DACH1: variants seen among roughly 807,000 people sequenced by gnomAD.
DACH1 encodes dachshund family transcription factor 1.
DACH1 carries 12 observed loss-of-function variants against 54.2 expected under a neutral mutation model. That is an observed-to-expected ratio of 0.22 (90% confidence interval 0.14 to 0.36). The LOEUF (loss-of-function observed/expected upper bound fraction) is 0.36, where lower values mean the gene tolerates loss of function less well. Among genes scored for constraint, DACH1 ranks in the 10% least tolerant of loss-of-function variants. The pLI, the probability that DACH1 is intolerant of heterozygous loss-of-function variation, is 1.00. For missense variants in DACH1, 805 were observed against 929.8 expected (o/e 0.87, Z 1.75); for synonymous variants, 386 against 366.2 (o/e 1.05, Z -0.62).
chr13:71,779,170 T>TATATATACAC (rs1488024150), intron 1 of DACH1, among the ~76,000 whole-genome samples: 1 of 62,040 alleles, frequency 1.6e-5, no homozygotes, highest in African/African-American at 8.2e-5. Context: ...TATATACGTA[T>TATATATACAC]ATATATACAC....
chr13:71,679,814 C>T lies in DACH1; in HGVS notation c.964+1981G>A, dbSNP rs561188220. 3.3e-5 allele frequency among the ~76,000 whole-genome samples: 5 copies of T among 152,030 alleles called. No individual in the cohort carries two copies. In the East Asian group the frequency reaches 7.8e-4, roughly 24 times the overall value. ...CCTGGCCAACATGGTGAAACTCCGT[C>T]TCTACTAAAATACAAAAAAAATTCG... On this transcript the variant is annotated intron_variant, in intron 2 of 10. Coordinates refer to ENST00000613252, the MANE Select transcript of DACH1 (RefSeq NM_080759.6).
intron 1 of DACH1, among the ~76,000 whole-genome samples, chr13:71,719,512 A>C (rs1240808932): frequency 1.3e-5 from 2 of 152,194 alleles, no homozygotes; most frequent in Non-Finnish European, 2.9e-5. Context: ...TAGAAGTCAC[A>C]GTACACTTTC....
At position 71,822,127 on chromosome 13, in the gene DACH1, C is replaced by T. The variant is rs186345947; in HGVS notation, c.848+43795G>A. Among the ~76,000 whole-genome samples the T allele has an allele frequency of 2.2e-4, 34 of 151,910 alleles. No homozygotes were observed. In the East Asian group the frequency reaches 5.8e-3, roughly 26 times the overall value. ...TATATATAAATACATCCACATAAAC[C>T]ACACACACACATACAATTTCAATGA... is the stretch of plus-strand genomic sequence containing the variant. On this transcript the variant is annotated intron_variant, in intron 1 of 10. Coordinates refer to ENST00000613252, the MANE Select transcript of DACH1 (RefSeq NM_080759.6).
intron 3 of DACH1, among the ~76,000 whole-genome samples, chr13:71,574,364 A>G (rs1885405426): frequency 6.6e-6 from 1 of 152,136 alleles, no homozygotes; most frequent in Non-Finnish European, 1.5e-5. Flanking sequence ...CTATCCACTT[A>G]GAGGAAATTT....
In DACH1 at chr13:71,558,413, C is replaced by T. The variant is rs746855871; in HGVS notation, c.1436-1255G>A. ...TGGTATCCCAGGCATACAAAAATGT[C>T]TCCTTTGTTTCTATCAAAAATTGAA... On this transcript the variant is annotated intron_variant, in intron 5 of 10. Coordinates refer to ENST00000613252, the MANE Select transcript of DACH1 (RefSeq NM_080759.6). 7.9e-5 allele frequency among the ~76,000 whole-genome samples: 12 copies of T among 152,060 alleles called. No individual in the cohort carries two copies. The South Asian group carries it at 2.1e-3, about 26-fold the overall frequency.
chr13:71,539,256 T>C (rs746182902), intron 6 of DACH1, among the ~76,000 whole-genome samples: 4 of 152,092 alleles, frequency 2.6e-5, no homozygotes, highest in Non-Finnish European at 5.9e-5. Flanking sequence ...GCATGTTCTA[T>C]GGCCCGTAGT....
chr13:71,474,342 A>G (rs1449004074), intron 10 of DACH1, among the ~76,000 whole-genome samples: 1 of 152,164 alleles, frequency 6.6e-6, no homozygotes, highest in East Asian at 1.9e-4. Context: ...AATGCAGAAT[A>G]AAAGCAATTG....
chr13:71,821,873 C>T (rs1471299974), intron 1 of DACH1, among the ~76,000 whole-genome samples: 1 of 152,024 alleles, frequency 6.6e-6, no homozygotes, highest in African/African-American at 2.4e-5. Flanking sequence ...CCATCCTGGA[C>T]AACATGGTGA....
At chr13:71,804,580 AC>A (rs1887418233) in intron 1 of DACH1, among the ~76,000 whole-genome samples, 1 of 151,918 alleles carries the variant, frequency 6.6e-6, no homozygotes, top group East Asian at 1.9e-4. Context: ...TTCTTTCTTG[AC>A]CCTCTAGCTA....
chr13:71,787,127 C>A (rs1406763768), intron 1 of DACH1, among the ~76,000 whole-genome samples: 1 of 152,122 alleles, frequency 6.6e-6, no homozygotes, highest in Admixed American at 6.6e-5. Context: ...GCATTTAGGA[C>A]AACACACTTT....
At chr13:71,512,853 T>C (rs1002164713) in intron 6 of DACH1, among the ~76,000 whole-genome samples, 4 of 151,852 alleles carry the variant, frequency 2.6e-5, no homozygotes, top group Admixed American at 2.0e-4. Context: ...AGAATCAAGG[T>C]ATATACCTTG....
At chr13:71,563,149 T>C (rs938024033) in intron 4 of DACH1, among the ~76,000 whole-genome samples, 1 of 152,088 alleles carries the variant, frequency 6.6e-6, no homozygotes, top group African/African-American at 2.4e-5. Flanking sequence ...ACATGGTGTG[T>C]ATTTAAGAAA....
At chr13:71,841,251 C>T (rs1458609502) in intron 1 of DACH1, among the ~76,000 whole-genome samples, 1 of 152,018 alleles carries the variant, frequency 6.6e-6, no homozygotes, top group Non-Finnish European at 1.5e-5. Context: ...CGTATATGTG[C>T]TGTGAGGCAA....
chr13:71,542,181 T>C (rs560581483), intron 6 of DACH1, among the ~76,000 whole-genome samples: 2 of 151,754 alleles, frequency 1.3e-5, no homozygotes, highest in South Asian at 4.2e-4. Context: ...ACCCAGGAGG[T>C]GGAGGTTGCA....
chr13:71,705,963 C>T (rs967029380), intron 1 of DACH1, among the ~76,000 whole-genome samples: 1 of 151,974 alleles, frequency 6.6e-6, no homozygotes, highest in Admixed American at 6.6e-5. Flanking sequence ...TACCCTTGTA[C>T]AATAGCATAT....
chr13:71,858,895 C>T (rs1427961269), intron 1 of DACH1, among the ~76,000 whole-genome samples: 1 of 146,726 alleles, frequency 6.8e-6, no homozygotes, highest in Non-Finnish European at 1.5e-5. Flanking sequence ...CTCTCTGCCT[C>T]TCTCTCTCTC....
At chr13:71,772,013 T>A (rs1007959202) in intron 1 of DACH1, among the ~76,000 whole-genome samples, 2 of 151,542 alleles carry the variant, frequency 1.3e-5, no homozygotes, top group African/African-American at 4.8e-5. Flanking sequence ...CAATTTACTA[T>A]CCTTAAAAGG....
At chr13:71,658,344 G>A (rs903063768) in intron 2 of DACH1, among the ~76,000 whole-genome samples, 4 of 152,154 alleles carry the variant, frequency 2.6e-5, no homozygotes, top group African/African-American at 7.2e-5. Context: ...ATGTTCAGGA[G>A]TTTGAGACTA....
intron 1 of DACH1, among the ~76,000 whole-genome samples, chr13:71,729,598 C>G (rs534556499): frequency 1.3e-5 from 2 of 152,140 alleles, no homozygotes; most frequent in African/African-American, 4.8e-5. Context: ...AAATGTTAGT[C>G]AGGTCCTGTG....
Sources: allele counts gnomAD v4.1 joint callset (sites outside exome capture counted in the v4.1 genomes callset), GRCh38; gene constraint gnomAD v4.1.1; transcripts MANE v1.5; gene names NCBI Gene and HGNC (gene_info 2026-07-23, HGNC 2026-07-21).